The following FOXK2 variants were observed in gnomAD, a reference collection of about 807,000 sequenced individuals.
The protein encoded by FOXK2 is forkhead box K2.
Under a neutral mutation model 53.3 loss-of-function variants are expected in FOXK2, and 24 were observed. That is an observed-to-expected ratio of 0.45 (90% CI 0.33 to 0.63). The LOEUF (loss-of-function observed/expected upper bound fraction) is 0.63. FOXK2 is among the 30% of genes least tolerant of loss of function. The pLI is 0.03. For synonymous variants in FOXK2, 505 were observed against 407.1 expected (o/e 1.24, Z -2.89); for missense variants, 952 against 910.5 (o/e 1.05, Z -0.59).
At chr17:82,531,124 T>TA (rs576982133) in intron 1 of FOXK2, among the ~76,000 whole-genome samples, 2 of 152,304 alleles carry the variant, frequency 1.3e-5, no homozygotes, top group African/African-American at 4.8e-5. Flanking sequence ...GAACTGCATG[T>TA]AAGTGTTCTG....
chr17:82,592,149 C>G (rs1333117249), intron 8 of FOXK2, among the ~76,000 whole-genome samples: 1 of 152,268 alleles, frequency 6.6e-6, no homozygotes, highest in Non-Finnish European at 1.5e-5. Flanking sequence ...TGGTGATCCT[C>G]TAGCCTTGGC....
intron 1 of FOXK2, among the ~76,000 whole-genome samples, chr17:82,548,646 G>GA (rs760308375): frequency 3.9e-5 from 6 of 152,088 alleles, no homozygotes; most frequent in Non-Finnish European, 7.4e-5. Flanking sequence ...TTTTCACTTA[G>GA]AGGTGTACAG....
At chr17:82,601,037 T>C (rs2045376653) in intron 8 of FOXK2, 1 of 430,420 alleles carries the variant, frequency 2.3e-6, no homozygotes, top group South Asian at 4.6e-5. Context: ...AATAAAAATG[T>C]CCGCTAATCA....
rs770075489 is a variant in FOXK2, at chr17:82,587,220, C to T, written c.1734C>T (p.Asn578=). The T allele has an allele frequency of 5.0e-6, 8 of 1,613,064 alleles. No individual in the cohort carries two copies. The highest frequency in any genetic ancestry group is 6.8e-6 in the Non-Finnish European group (8 of 1,180,006). Residue 578 remains asparagine, a synonymous_variant, in exon 8 of 9, where the codon AAC becomes AAT. Transcript: ENST00000335255. ...HQLPIKTVTQ[N]GTHVASVPTA... is the part of the protein sequence containing the mutation. ...TACCAATAAAAACTGTAACACAAAA[C>T]GGCACTCACGTGGCATCAGTCCCCA...
chr17:82,586,056 C>A lies in FOXK2; in HGVS notation c.1432C>A (p.Pro478Thr). ...GACGGTTCACGTCGTCCACCAGATCCCAGCGGTGTCGGTCACCAGTGTGGC... is the reference window on the plus strand; with the variant it reads ...GACGGTTCACGTCGTCCACCAGATCACAGCGGTGTCGGTCACCAGTGTGGC... ...VQTVHVVHQI[P>T]AVSVTSVAGL... Residue 478 changes from proline to threonine, a missense_variant, in exon 7 of 9, where the codon CCA (proline) becomes ACA (threonine). Around this residue, in one of 5 missense-constraint regions of FOXK2, gnomAD observed 551 missense variants for 385.1 expected, o/e 1.43. Transcript: ENST00000335255. 6.2e-7 allele frequency: 1 copy of A among 1,612,834 alleles called. No individual in the cohort carries two copies.
intron 5 of FOXK2, among the ~76,000 whole-genome samples, chr17:82,583,210 C>T (rs994232949): frequency 2.0e-5 from 3 of 152,226 alleles, no homozygotes; most frequent in Admixed American, 1.3e-4. Context: ...AGTGCCACGT[C>T]GACGTTTTTC....
At chr17:82,596,358 G>C (rs567668664) in intron 8 of FOXK2, among the ~76,000 whole-genome samples, 17 of 151,812 alleles carry the variant, frequency 1.1e-4, no homozygotes, top group Non-Finnish European at 2.1e-4. Context: ...TCCATGCTTG[G>C]TGTAGGGGGA....
At chr17:82,567,437 C>T (rs1465880962) in intron 2 of FOXK2, among the ~76,000 whole-genome samples, 2 of 152,206 alleles carry the variant, frequency 1.3e-5, no homozygotes, top group African/African-American at 2.4e-5. Flanking sequence ...GAAAAAGTGG[C>T]TGTTTGAAAA....
chr17:82,553,453 G>A (rs1488540548), intron 1 of FOXK2, among the ~76,000 whole-genome samples: 1 of 152,242 alleles, frequency 6.6e-6, no homozygotes, highest in Non-Finnish European at 1.5e-5. Context: ...TGCTGCTCCT[G>A]AGCTGTGTTG....
chr17:82,544,346 T>TA (rs1369927020), intron 1 of FOXK2, among the ~76,000 whole-genome samples: 4 of 152,242 alleles, frequency 2.6e-5, no homozygotes, highest in African/African-American at 9.6e-5. Context: ...TTCTTTTTTT[T>TA]ATGTAAGCCA....
chr17:82,587,334 A>T (rs1156781975), intron 8 of FOXK2, 62 bp downstream of exon 8: 2 of 1,317,296 alleles, frequency 1.5e-6, no homozygotes, highest in Non-Finnish European at 2.2e-6. Context: ...GCCCCTTCTC[A>T]CTCGTGGTTT....
chr17:82,564,686 G>A (rs915841864), intron 2 of FOXK2, among the ~76,000 whole-genome samples: 7 of 150,620 alleles, frequency 4.6e-5, no homozygotes, highest in Admixed American at 2.6e-4. Flanking sequence ...TTTTTTTAAA[G>A]AAGAGTAGAG....
At chr17:82,568,228 C>T (rs2044873789) in intron 3 of FOXK2, 27 bp downstream of exon 3, 1 of 1,610,550 alleles carries the variant, frequency 6.2e-7, no homozygotes, top group Non-Finnish European at 8.5e-7. Flanking sequence ...CTTGAAGCAG[C>T]CCCTGGGGGA....
At chr17:82,592,808 C>T (rs567949886) in intron 8 of FOXK2, among the ~76,000 whole-genome samples, 2 of 152,310 alleles carry the variant, frequency 1.3e-5, no homozygotes, top group East Asian at 1.9e-4. Context: ...GCCCAGTTCG[C>T]GCTGGCAGAG....
intron 4 of FOXK2, chr17:82,576,637 C>T: frequency 8.9e-7 from 1 of 1,125,604 alleles, no homozygotes; most frequent in Non-Finnish European, 1.3e-6. Context: ...TTCTGGGAAG[C>T]TGGCACAGAA....
intron 1 of FOXK2, among the ~76,000 whole-genome samples, chr17:82,562,545 A>C (rs955294265): frequency 2.6e-5 from 4 of 151,726 alleles, no homozygotes; most frequent in African/African-American, 9.7e-5. Flanking sequence ...GCACCATTGC[A>C]CTCCATTCTG....
chr17:82,597,107 G>A (rs548889077), intron 8 of FOXK2, among the ~76,000 whole-genome samples: 1 of 152,312 alleles, frequency 6.6e-6, no homozygotes, highest in Non-Finnish European at 1.5e-5. Flanking sequence ...GTGACTCCCT[G>A]TAACACACCC....
intron 2 of FOXK2, among the ~76,000 whole-genome samples, chr17:82,563,893 A>C (rs1394675755): frequency 6.7e-6 from 1 of 149,158 alleles, no homozygotes; most frequent in Non-Finnish European, 1.5e-5. Context: ...CTAGGACTAC[A>C]GGCGCCCACC....
intron 4 of FOXK2, among the ~76,000 whole-genome samples, chr17:82,580,966 G>C (rs1315059860): frequency 6.6e-6 from 1 of 152,262 alleles, no homozygotes; most frequent in Non-Finnish European, 1.5e-5. Context: ...ACAGGGCCCA[G>C]AGGCATTAGG....
Sources: allele counts gnomAD v4.1 joint callset (sites outside exome capture counted in the v4.1 genomes callset), GRCh38; gene constraint gnomAD v4.1.1; regional missense constraint gnomAD v4.1.1; transcripts MANE v1.5; gene names NCBI Gene and HGNC (gene_info 2026-07-23, HGNC 2026-07-21).